The following MAP4K4 variants were observed in gnomAD, a reference collection of about 807,000 sequenced individuals.
MAP4K4 encodes the protein mitogen-activated protein kinase kinase kinase kinase 4.
MAP4K4 carries 38 observed loss-of-function variants against 189.6 expected under a neutral mutation model. The ratio of observed to expected loss-of-function variants is 0.20; its 90% CI spans 0.15 to 0.26. The LOEUF is 0.26. Among genes scored for constraint, MAP4K4 ranks in the 10% least tolerant of loss-of-function variants. The pLI is 1.00. For missense variants in MAP4K4, 1,054 were observed against 1,726.9 expected (o/e 0.61, Z 6.91); for synonymous variants, 610 against 624.3 (o/e 0.98, Z 0.34).
chr2:101,820,126 T>C (rs1399134604), intron 3 of MAP4K4, among the ~76,000 whole-genome samples: 1 of 152,254 alleles, frequency 6.6e-6, no homozygotes, highest in Non-Finnish European at 1.5e-5. Context: ...CATTGGTTTG[T>C]GTCACTAAAA....
chr2:101,869,953 C>A, intron 22 of MAP4K4, 156 bp downstream of exon 22: 1 of 977,832 alleles, frequency 1.0e-6, no homozygotes, highest in Non-Finnish European at 1.5e-6. Flanking sequence ...GTTTCCCCTT[C>A]TCTTCGTTGG....
At chr2:101,781,358 C>T (rs1032629638) in intron 2 of MAP4K4, among the ~76,000 whole-genome samples, 1 of 152,116 alleles carries the variant, frequency 6.6e-6, no homozygotes, top group Non-Finnish European at 1.5e-5. Context: ...CTTCCCTCCC[C>T]CTTTGTCTTA....
At chr2:101,705,966 A>T (rs538668808) in intron 2 of MAP4K4, among the ~76,000 whole-genome samples, 1 of 152,352 alleles carries the variant, frequency 6.6e-6, no homozygotes, top group South Asian at 2.1e-4. Context: ...ATGGCTAAAT[A>T]TGAACAAGTT....
intron 3 of MAP4K4, among the ~76,000 whole-genome samples, chr2:101,810,692 C>G (rs1309665819): frequency 6.6e-6 from 1 of 152,274 alleles, no homozygotes; most frequent in East Asian, 1.9e-4. Context: ...AGAGGCATAT[C>G]TTTTTTTCCT....
At chr2:101,823,358 C>G (rs2096188043) in intron 3 of MAP4K4, among the ~76,000 whole-genome samples, 1 of 152,148 alleles carries the variant, frequency 6.6e-6, no homozygotes. Flanking sequence ...GTAGCTGAAC[C>G]TCTTTTCGGG....
chr2:101,861,174 G>C, intron 16 of MAP4K4, 188 bp downstream of exon 16: 1 of 583,116 alleles, frequency 1.7e-6, no homozygotes, highest in Non-Finnish European at 2.9e-6. Context: ...CTTTCTTTTT[G>C]AGATTTCTAT....
chr2:101,779,115 T>C lies in MAP4K4; in HGVS notation c.124-11605T>C, dbSNP rs531365633. On this transcript the variant is annotated intron_variant, in intron 2 of 32. Coordinates refer to ENST00000324219, the Ensembl canonical transcript of MAP4K4. ...TAAATAAATGGATATTTATTAAATA[T>C]ATTTGTTGAGAGAATGAACACACAG... Among the ~76,000 whole-genome samples, 3 of 152,306 alleles carry C rather than the reference T, an allele frequency of 2.0e-5. No homozygotes were observed. The East Asian group carries it at 5.8e-4, about 29-fold the overall frequency.
At chr2:101,754,341 GTTTTTTTTTTTT>G (rs59198391) in intron 2 of MAP4K4, among the ~76,000 whole-genome samples, 1 of 85,836 alleles carries the variant, frequency 1.2e-5, no homozygotes, top group African/African-American at 4.6e-5. Context: ...CTTTTTTGCT[GTTTTTTTTTTTT>G]TTTTTTTTTT....
rs74606357 is a variant in MAP4K4 at position 101,883,545 on chromosome 2, C to G, written c.3520+860C>G. On this transcript the variant is annotated intron_variant, in intron 28 of 32. Coordinates refer to ENST00000324219, the Ensembl canonical transcript of MAP4K4. The stretch of plus-strand genomic sequence containing the variant: ...ACATGAAAAAACCAAAATACTGGCA[C>G]TAATGTTAGACATACGGGAGAAATA... Among the ~76,000 whole-genome samples, 1,250 of 152,086 alleles carry G rather than the reference C, an allele frequency of 8.2e-3. 17 individuals carry two copies. Among genetic ancestry groups the G allele is most frequent in the African/African-American group, 0.029 (1,201 of 41,452 alleles).
At chr2:101,862,396 G>C (rs1466124431) in intron 16 of MAP4K4, among the ~76,000 whole-genome samples, 1 of 151,990 alleles carries the variant, frequency 6.6e-6, no homozygotes, top group African/African-American at 2.4e-5. Context: ...AGAAAGGAAA[G>C]AGGAAAGCAG....
At chr2:101,868,535 A>G (rs1359799242) in intron 21 of MAP4K4, among the ~76,000 whole-genome samples, 2 of 152,256 alleles carry the variant, frequency 1.3e-5, no homozygotes, top group Admixed American at 6.5e-5. Flanking sequence ...TGGTGGATTG[A>G]TTGAGTCTTA....
chr2:101,738,993 C>T (rs189802879), intron 2 of MAP4K4, among the ~76,000 whole-genome samples: 5 of 152,142 alleles, frequency 3.3e-5, no homozygotes, highest in African/African-American at 9.6e-5. Context: ...TTACTGCTGG[C>T]CGTCATTATT....
intron 11 of MAP4K4, among the ~76,000 whole-genome samples, chr2:101,843,492 G>A (rs1389312799): frequency 1.3e-5 from 2 of 152,190 alleles, no homozygotes; most frequent in Non-Finnish European, 2.9e-5. Context: ...GAGGAGCACT[G>A]TATGACGAAA....
Position 101,859,907 on chromosome 2 carries a change from C to T in MAP4K4, c.1704+43C>T, listed in dbSNP as rs111447561. The T allele has an allele frequency of 4.1e-4, 626 of 1,531,488 alleles. 3 individuals are homozygous for T. The African/African-American group carries it at 6.8e-3, about 17-fold the overall frequency. 94.9% of individuals were successfully genotyped at this position (1,531,488 alleles called of 1,614,324 possible). A position where few individuals can be genotyped will look rare whatever the true frequency, so the allele number is the denominator to read the frequency against. On this transcript the variant is annotated intron_variant, in intron 15 of 32. Coordinates refer to ENST00000324219, the Ensembl canonical transcript of MAP4K4. ...TCACTTAGACATTGCCCTGGAAAGT[C>T]GTATAACGACTCTTCAGAACTGTGT...
chr2:101,816,212 T>C (rs1419556131), intron 3 of MAP4K4, among the ~76,000 whole-genome samples: 1 of 152,240 alleles, frequency 6.6e-6, no homozygotes, highest in East Asian at 1.9e-4. Context: ...ATATTTTGGC[T>C]AATTTTAGTT....
chr2:101,782,136 T>G (rs1042631429), intron 2 of MAP4K4, among the ~76,000 whole-genome samples: 8 of 152,228 alleles, frequency 5.3e-5, no homozygotes, highest in African/African-American at 1.9e-4. Context: ...TTTAGAAAGA[T>G]TTCCATCCAG....
intron 5 of MAP4K4, among the ~76,000 whole-genome samples, chr2:101,826,261 T>A (rs1479170518): frequency 6.6e-6 from 1 of 152,214 alleles, no homozygotes; most frequent in African/African-American, 2.4e-5. Flanking sequence ...TTAATTTTTT[T>A]AATAAGTAAA....
intron 2 of MAP4K4, among the ~76,000 whole-genome samples, chr2:101,762,247 A>G (rs1208317562): frequency 1.3e-5 from 2 of 152,190 alleles, no homozygotes; most frequent in African/African-American, 2.4e-5. Flanking sequence ...TCTGGAAGAA[A>G]TCCTCAGTAA....
chr2:101,766,925 G>T (rs1558816485), intron 2 of MAP4K4, among the ~76,000 whole-genome samples: 1 of 152,138 alleles, frequency 6.6e-6, no homozygotes, highest in Non-Finnish European at 1.5e-5. Context: ...GTGGGAGCGG[G>T]CTCTAGCAAG....
Sources: allele counts gnomAD v4.1 joint callset (sites outside exome capture counted in the v4.1 genomes callset), GRCh38; gene constraint gnomAD v4.1.1; transcripts MANE v1.5; gene names NCBI Gene and HGNC (gene_info 2026-07-23, HGNC 2026-07-21).